The following DLEC1 variants were observed in gnomAD, a reference collection of about 807,000 sequenced individuals.
DLEC1 encodes the protein DLEC1 cilia and flagella associated protein.
In DLEC1, 146 loss-of-function variants were observed where a neutral mutation model predicts 198.1. The observed-to-expected ratio is 0.74, with a 90% CI of 0.64 to 0.85. The LOEUF (loss-of-function observed/expected upper bound fraction) is 0.85, where lower values mean the gene tolerates loss of function less well. DLEC1 is among the 40% of genes least tolerant of loss of function. The pLI, the probability that DLEC1 is intolerant of heterozygous loss-of-function variation, is 0.00. For missense variants in DLEC1, 2,233 were observed against 2,220.0 expected (o/e 1.01, Z -0.12); for synonymous variants, 897 against 866.8 (o/e 1.03, Z -0.61).
At chr3:38,116,397 C>T (rs574866773) in intron 27 of DLEC1, 56 bp from the exon 28 acceptor site, 18 of 1,592,922 alleles carry the variant, frequency 1.1e-5, no homozygotes, top group African/African-American at 4.0e-5. Flanking sequence ...GAGGGGGCCC[C>T]GGGGGGTTGT....
At chr3:38,071,225 A>G (rs1697299273) in intron 6 of DLEC1, among the ~76,000 whole-genome samples, 1 of 152,224 alleles carries the variant, frequency 6.6e-6, no homozygotes, top group Non-Finnish European at 1.5e-5. Context: ...TAAACGGAAG[A>G]TACAAGGTCT....
At chr3:38,078,811 G>A (rs904517285) in intron 6 of DLEC1, among the ~76,000 whole-genome samples, 2 of 152,186 alleles carry the variant, frequency 1.3e-5, no homozygotes, top group African/African-American at 4.8e-5. Context: ...GGACAGGAGA[G>A]TATATGGGTT....
intron 6 of DLEC1, among the ~76,000 whole-genome samples, chr3:38,077,298 T>C (rs1196231847): frequency 1.3e-5 from 2 of 152,064 alleles, no homozygotes; most frequent in African/African-American, 4.8e-5. Context: ...CAGAAAATAG[T>C]AGGGATGACA....
In DLEC1 at chr3:38,096,766, C is replaced by G. The variant is rs768151444; in HGVS notation, c.2340+29C>G. 3.8e-6 allele frequency: 6 copies of G among 1,576,362 alleles called. No individual in the cohort carries two copies. The Admixed American group carries it at 1.1e-4, about 28-fold the overall frequency. ...GGTCATTGTCTCTCCCCTGCCTAGG[C>G]TGGCCGAGGCAGTGTTGACATGAGT... On this transcript the variant is annotated intron_variant, in intron 15 of 36. Coordinates refer to ENST00000308059, the MANE Select transcript of DLEC1 (RefSeq NM_007335.4).
chr3:38,039,785 T>C, intron 1 of DLEC1, 149 bp downstream of exon 1: 1 of 1,045,612 alleles, frequency 9.6e-7, no homozygotes, highest in Non-Finnish European at 1.3e-6. Context: ...CCCGACATTC[T>C]AGTGGAAGGA....
At chr3:38,050,450 T>A (rs1261141506) in intron 2 of DLEC1, among the ~76,000 whole-genome samples, 3 of 152,088 alleles carry the variant, frequency 2.0e-5, no homozygotes, top group Admixed American at 2.0e-4. Flanking sequence ...GCTGGAATAC[T>A]GGGCATCTGG....
In DLEC1 at chr3:38,039,286, G is replaced by T. The variant is rs776426487; in HGVS notation, c.61G>T (p.Gly21Trp). ...AGCGTCCCGGACCAACGAGTGCCAG[G>T]GGACAATGTGGGCGCCAACTTCGCC... ...SLASRTNECQ[G>W]TMWAPTSPPA... is the part of the protein sequence containing the mutation. Residue 21 changes from glycine (G) to tryptophan (W), a missense_variant, in exon 1 of 37, where the codon GGG (glycine) becomes TGG (tryptophan). Transcript: ENST00000308059. 1 of 1,614,152 alleles carries T rather than the reference G, an allele frequency of 6.2e-7. No homozygotes were observed. The highest frequency in any genetic ancestry group is 1.1e-5 in the South Asian group (1 of 91,082).
chr3:38,064,010 T>TC (rs1553613759), intron 6 of DLEC1, 91 bp downstream of exon 6: 555 of 833,276 alleles, frequency 6.7e-4, no homozygotes, highest in African/African-American at 1.1e-3. Context: ...TTTTTTTCTT[T>TC]TTTTTTTTTT....
intron 2 of DLEC1, among the ~76,000 whole-genome samples, chr3:38,055,883 GC>G (rs369783643): frequency 1.1e-3 from 175 of 152,248 alleles, no homozygotes; most frequent in African/African-American, 4.1e-3. Context: ...GAGATGAAAG[GC>G]CTTCTTTAAC....
chr3:38,119,636 G>T (rs1377277734), intron 33 of DLEC1, among the ~76,000 whole-genome samples: 1 of 151,998 alleles, frequency 6.6e-6, no homozygotes, highest in Non-Finnish European at 1.5e-5. Context: ...ACTGCCTGGG[G>T]GGTTCAAGCA....
intron 10 of DLEC1, among the ~76,000 whole-genome samples, chr3:38,092,475 C>T (rs576953689): frequency 6.6e-5 from 10 of 152,128 alleles, no homozygotes; most frequent in Non-Finnish European, 1.0e-4. Flanking sequence ...GGTAAAAAGC[C>T]GTTCTTCTGG....
Position 38,121,647 on chromosome 3 carries a change from T to C in DLEC1, c.4886T>C (p.Val1629Ala), listed in dbSNP as rs199744070. 157 of 1,613,838 alleles carry C rather than the reference T, an allele frequency of 9.7e-5. No individual in the cohort carries two copies. In the Admixed American group the frequency reaches 2.6e-3, roughly 26 times the overall value. The change falls in exon 35 of 37, where the codon GTG becomes GCG. Residue 1629 changes from valine (V) to alanine (A), a missense_variant. Coordinates refer to ENST00000308059, the MANE Select transcript of DLEC1 (RefSeq NM_007335.4). The stretch of plus-strand genomic sequence containing the variant: ...CCACAGGTGGTGCCCCTGCGGGCTG[T>C]GGTGGCCGTGCCTGAGCTGCAGCTC... ...QTTQVVPLRA[V>A]VAVPELQLST...
Position 38,122,792 on chromosome 3 carries a change from T to C in DLEC1, c.*380T>C, listed in dbSNP as rs1700559808. ...CTTGCCTTAAGAATTAACCATGGCC[T>C]TGTGGCCTGGGTGACCCAGGCTGCT... On this transcript the variant is annotated 3_prime_UTR_variant, in exon 37 of 37. Transcript: ENST00000308059. 10 of 1,094,910 alleles carry C rather than the reference T, an allele frequency of 9.1e-6. No individual in the cohort carries two copies. Among genetic ancestry groups the C allele is most frequent in the Non-Finnish European group, 1.3e-5 (10 of 796,244 alleles). 67.8% of individuals were successfully genotyped at this position (1,094,910 alleles called of 1,614,324 possible). A position where few individuals can be genotyped will look rare whatever the true frequency, so the allele number is the denominator to read the frequency against.
intron 6 of DLEC1, among the ~76,000 whole-genome samples, chr3:38,074,959 G>A (rs1006700123): frequency 6.6e-5 from 10 of 152,284 alleles, no homozygotes; most frequent in Middle Eastern, 3.4e-3. Flanking sequence ...ATTGTTGGGC[G>A]GGTGGGGAAA....
rs1698234704 is a variant in DLEC1 at position 38,084,300 on chromosome 3, TTAG to T, written c.1261+61_1261+63del. ...AGTAGTGGTAATAGTAGTGGTGGTATTAGTAGTAATAGTAGTAGTGGTGGTAGT... is the reference window on the plus strand; with the variant it reads ...AGTAGTGGTAATAGTAGTGGTGGTATTAGTAATAGTAGTAGTGGTGGTAGT... On this transcript the variant is annotated intron_variant, in intron 7 of 36. Transcript: ENST00000308059. The T allele has an allele frequency of 2.0e-5, 29 of 1,456,410 alleles. No homozygotes were observed. In the South Asian group the frequency reaches 3.0e-4, roughly 15 times the overall value. 90.2% of individuals were successfully genotyped at this position (1,456,410 alleles called of 1,614,324 possible).
intron 14 of DLEC1, among the ~76,000 whole-genome samples, chr3:38,096,260 A>G (rs1431343393): frequency 6.6e-6 from 1 of 152,142 alleles, no homozygotes; most frequent in East Asian, 1.9e-4. Flanking sequence ...CTTTGCCCCC[A>G]TGGTGTAAAC....
chr3:38,115,139 GCC>G, intron 27 of DLEC1, 86 bp downstream of exon 27: 1 of 1,494,342 alleles, frequency 6.7e-7, no homozygotes. Context: ...TGGGAGGGAA[GCC>G]GATGGCCCAT....
intron 6 of DLEC1, among the ~76,000 whole-genome samples, chr3:38,064,777 GAT>G (rs1283758934): frequency 2.0e-5 from 3 of 151,660 alleles, no homozygotes; most frequent in Admixed American, 2.0e-4. Context: ...CATCCCAGAC[GAT>G]GGGCGGCCGG....
Position 38,122,847 on chromosome 3 carries a change from TG to T in DLEC1, c.*438del. On this transcript the variant is annotated 3_prime_UTR_variant, in exon 37 of 37. Transcript: ENST00000308059. Reference sequence around the variant, plus strand: ...TCTTGCACAGCTAAAGAGGGTCTGATGGGTGGCTCAACACCCCACCCACTCC... The same window carrying T: ...TCTTGCACAGCTAAAGAGGGTCTGATGGTGGCTCAACACCCCACCCACTCC... The T allele has an allele frequency of 1.3e-6, 1 of 799,376 alleles. No homozygotes were observed. The allele number at this position is 799,376 out of a possible 1,614,324, so 49.5% of individuals were successfully genotyped here.
Sources: allele counts gnomAD v4.1 joint callset (sites outside exome capture counted in the v4.1 genomes callset), GRCh38; gene constraint gnomAD v4.1.1; transcripts MANE v1.5; gene names NCBI Gene and HGNC (gene_info 2026-07-23, HGNC 2026-07-21).